Variants in NMNAT2 observed in about 807,000 individuals in gnomAD.
NMNAT2 encodes nicotinamide/nicotinic acid mononucleotide adenylyltransferase 2.
A neutral mutation model predicts 41.6 loss-of-function variants in NMNAT2; 11 were observed. The observed-to-expected ratio is 0.26, with a 90% CI of 0.17 to 0.44. The LOEUF (loss-of-function observed/expected upper bound fraction) is 0.44. Ranked by LOEUF, NMNAT2 falls within the 20% of genes least tolerant of loss-of-function variation. NMNAT2 has a pLI of 1.00. For synonymous variants in NMNAT2, 148 were observed against 151.2 expected, an observed-to-expected ratio of 0.98 and a Z score of 0.16; for missense variants, 288 against 407.7, an observed-to-expected ratio of 0.71 and a Z score of 2.53.
chr1:183,386,141 A>G (rs1345557666), intron 1 of NMNAT2, among the ~76,000 whole-genome samples: 1 of 152,198 alleles, frequency 6.6e-6, no homozygotes, highest in African/African-American at 2.4e-5. Flanking sequence ...ATTTAAATAT[A>G]TTTTGTTACC....
chr1:183,327,156 T>C (rs892161394), intron 1 of NMNAT2, among the ~76,000 whole-genome samples: 3 of 152,124 alleles, frequency 2.0e-5, no homozygotes, highest in Non-Finnish European at 4.4e-5. Flanking sequence ...GCTCAAGCAA[T>C]TCTCCTGCCT....
intron 1 of NMNAT2, among the ~76,000 whole-genome samples, chr1:183,318,066 T>C (rs1008389291): frequency 6.6e-6 from 1 of 152,110 alleles, no homozygotes; most frequent in South Asian, 2.1e-4. Context: ...TCACAAACAG[T>C]TATTCTAAGG....
chr1:183,334,055 G>A (rs1014935129), intron 1 of NMNAT2, among the ~76,000 whole-genome samples: 1 of 152,194 alleles, frequency 6.6e-6, no homozygotes, highest in Non-Finnish European at 1.5e-5. Context: ...TGTGCACGAT[G>A]CCTCTTCCTC....
chr1:183,367,319 A>G (rs1571622206), intron 1 of NMNAT2, among the ~76,000 whole-genome samples: 1 of 152,142 alleles, frequency 6.6e-6, no homozygotes, highest in Non-Finnish European at 1.5e-5. Context: ...GTAGTCAGGC[A>G]TGGTGGCATG....
intron 1 of NMNAT2, among the ~76,000 whole-genome samples, chr1:183,363,541 GTTTA>G (rs895104218): frequency 2.6e-5 from 4 of 151,128 alleles, no homozygotes; most frequent in Non-Finnish European, 1.5e-5. Flanking sequence ...AGGTCAGTGA[GTTTA>G]TTATGAGGAG....
intron 1 of NMNAT2, among the ~76,000 whole-genome samples, chr1:183,367,417 C>T (rs1047403627): frequency 6.6e-6 from 1 of 152,282 alleles, no homozygotes; most frequent in South Asian, 2.1e-4. Context: ...GAGATCGTGC[C>T]ATTGTACTCC....
At chr1:183,361,478 T>C (rs1663306149) in intron 1 of NMNAT2, among the ~76,000 whole-genome samples, 1 of 152,206 alleles carries the variant, frequency 6.6e-6, no homozygotes, top group Non-Finnish European at 1.5e-5. Flanking sequence ...TAATACTGCA[T>C]GAGTGAGGAA....
intron 1 of NMNAT2, among the ~76,000 whole-genome samples, chr1:183,381,125 GT>G (rs1571628932): frequency 6.6e-6 from 1 of 152,258 alleles, no homozygotes; most frequent in East Asian, 1.9e-4. Context: ...TCTAGGAAGG[GT>G]CAAAGGATGG....
chr1:183,339,678 C>G (rs1278975296), intron 1 of NMNAT2, among the ~76,000 whole-genome samples: 1 of 152,214 alleles, frequency 6.6e-6, no homozygotes, highest in Non-Finnish European at 1.5e-5. Context: ...GTGCTAGGCA[C>G]TGTTCTCAGC....
chr1:183,395,219 A>G (rs1276937328), intron 1 of NMNAT2, among the ~76,000 whole-genome samples: 2 of 152,112 alleles, frequency 1.3e-5, no homozygotes, highest in East Asian at 3.9e-4. Context: ...TGCTTGCAGA[A>G]CTACATCTGA....
chr1:183,375,710 T>C (rs1663663263), intron 1 of NMNAT2, among the ~76,000 whole-genome samples: 1 of 152,240 alleles, frequency 6.6e-6, no homozygotes, highest in African/African-American at 2.4e-5. Context: ...TTGGTGGCAT[T>C]ACTTCTTGAC....
chr1:183,327,572 T>C (rs1015613597), intron 1 of NMNAT2, among the ~76,000 whole-genome samples: 2 of 152,298 alleles, frequency 1.3e-5, no homozygotes, highest in East Asian at 1.9e-4. Flanking sequence ...AATTCAGACA[T>C]CTGTACACTG....
chr1:183,270,541 A>AG (rs1212688044), intron 8 of NMNAT2, among the ~76,000 whole-genome samples: 8 of 151,904 alleles, frequency 5.3e-5, no homozygotes, highest in African/African-American at 7.3e-5. Context: ...GAAAAAAAAA[A>AG]AAAGAGAGAG....
At position 183,249,869 on chromosome 1, in the gene NMNAT2, T is replaced by G. The variant is rs1660329585; in HGVS notation, c.*2772A>C. ...CAAAGATAAGATCTGCCCCACTTCATTCCTAGAAATCTACTTCTATGGCAC... is the reference window on the plus strand; with the variant it reads ...CAAAGATAAGATCTGCCCCACTTCAGTCCTAGAAATCTACTTCTATGGCAC... On this transcript the variant is annotated 3_prime_UTR_variant, in exon 11 of 11. Transcript: ENST00000287713. 6.6e-6 allele frequency: 1 copy of G among 152,162 alleles called. No individual in the cohort carries two copies. The highest frequency in any genetic ancestry group is 2.4e-5 in the African/African-American group (1 of 41,424). 9.4% of individuals were successfully genotyped at this position (152,162 alleles called of 1,614,324 possible).
At chr1:183,366,532 GA>G (rs1663417417) in intron 1 of NMNAT2, among the ~76,000 whole-genome samples, 1 of 152,222 alleles carries the variant, frequency 6.6e-6, no homozygotes, top group Non-Finnish European at 1.5e-5. Context: ...AAAATGGTCA[GA>G]AATAGTAGAT....
rs547235741 is a variant in NMNAT2 at position 183,284,160 on chromosome 1, G to T, written c.530-121C>A. 4.9e-6 allele frequency: 4 copies of T among 811,354 alleles called. No homozygotes were observed. The East Asian group carries it at 7.5e-5, about 15-fold the overall frequency. The allele number at this position is 811,354 out of a possible 1,614,324, so 50.3% of individuals were successfully genotyped here. Reference sequence around the variant, plus strand: ...TGGGGTGGGGTGGGTGCAAGTAGGGGTGTGGTGTGCCACCTGAGGAGGGTG... The same window carrying T: ...TGGGGTGGGGTGGGTGCAAGTAGGGTTGTGGTGTGCCACCTGAGGAGGGTG... On this transcript the variant is annotated intron_variant, in intron 6 of 10. Transcript: ENST00000287713.
At chr1:183,260,972 A>G in intron 10 of NMNAT2, 30 bp downstream of exon 10, 2 of 1,566,452 alleles carry the variant, frequency 1.3e-6, no homozygotes, top group Non-Finnish European at 8.8e-7. Flanking sequence ...CAGTTTGACT[A>G]AAGTCTCTCT....
chr1:183,355,158 C>A (rs1432722241), intron 1 of NMNAT2, among the ~76,000 whole-genome samples: 1 of 152,192 alleles, frequency 6.6e-6, no homozygotes, highest in African/African-American at 2.4e-5. Context: ...TTGCATCCAC[C>A]TTTCTCACCT....
At chr1:183,391,552 CA>C (rs1020680885) in intron 1 of NMNAT2, among the ~76,000 whole-genome samples, 1 of 151,958 alleles carries the variant, frequency 6.6e-6, no homozygotes, top group Non-Finnish European at 1.5e-5. Flanking sequence ...AAGCAAAAAA[CA>C]AAGACCTTTT....
Sources: gnomAD v4.1 joint callset for allele counts (sites outside exome capture counted in the v4.1 genomes callset) on GRCh38, gnomAD v4.1.1 for gene constraint, MANE v1.5 for transcripts, NCBI Gene and HGNC (gene_info 2026-07-23, HGNC 2026-07-21) for gene names.